Variants in CHD1L observed in about 807,000 individuals in gnomAD.
CHD1L encodes the protein chromodomain helicase DNA binding protein 1 like.
A neutral mutation model predicts 115.9 loss-of-function variants in CHD1L; 118 were observed. The ratio of observed to expected loss-of-function variants is 1.02; its 90% CI spans 0.88 to 1.19. The LOEUF is 1.19. CHD1L is among the 50% of genes most tolerant of loss of function. The pLI is 0.00. For synonymous variants in CHD1L, 411 were observed against 387.1 expected, an observed-to-expected ratio of 1.06 and a Z score of -0.72; for missense variants, 1,179 against 1,065.3, an observed-to-expected ratio of 1.11 and a Z score of -1.49.
At chr1:147,197,130 A>G in the CHD1L span, among the ~76,000 whole-genome samples, 2 of 152,158 alleles carry the variant, frequency 1.3e-5, no homozygotes, top group Non-Finnish European at 2.9e-5. Context: ...CTTCATTCCT[A>G]TAACACTTTA....
Position 147,264,410 on chromosome 1 carries a change from T to C in CHD1L, c.577-12T>C, listed in dbSNP as rs1553946435. Reference sequence around the variant, plus strand: ...TTATGGAATTTTTATTTTATTTATTTATGTATTTGAGTTCTCAGTAGTCTT... The same window carrying C: ...TTATGGAATTTTTATTTTATTTATTCATGTATTTGAGTTCTCAGTAGTCTT... On this transcript the variant is annotated splice_polypyrimidine_tract_variant and intron_variant, in intron 6 of 22. Transcript: ENST00000369258. 2 of 1,567,540 alleles carry C rather than the reference T, an allele frequency of 1.3e-6. No individual in the cohort carries two copies. The highest frequency in any genetic ancestry group is 3.7e-5 in the Admixed American group (2 of 53,886).
chr1:147,178,592 T>G, the CHD1L span: 1 of 1,604,956 alleles, frequency 6.2e-7, no homozygotes. Context: ...GTAGGTTTTT[T>G]CGATGATTCA....
At chr1:147,268,116 A>T (rs1265797102) in intron 9 of CHD1L, among the ~76,000 whole-genome samples, 1 of 152,108 alleles carries the variant, frequency 6.6e-6, no homozygotes. Context: ...TCTCTTCTCC[A>T]TCTGCTCCTT....
the CHD1L span, among the ~76,000 whole-genome samples, chr1:147,229,712 G>A: frequency 6.6e-6 from 1 of 152,010 alleles, no homozygotes; most frequent in Non-Finnish European, 1.5e-5. Context: ...TTCTCCTTGA[G>A]GAGGTACTTC....
At chr1:147,189,661 C>A in the CHD1L span, among the ~76,000 whole-genome samples, 13 of 152,142 alleles carry the variant, frequency 8.5e-5, no homozygotes, top group Non-Finnish European at 1.9e-4. Context: ...AAACACTAAG[C>A]AGCTGGCTGT....
chr1:147,261,697 C>T (rs1342492720), intron 6 of CHD1L, among the ~76,000 whole-genome samples: 1 of 151,870 alleles, frequency 6.6e-6, no homozygotes, highest in Non-Finnish European at 1.5e-5. Flanking sequence ...GGCCCCAGAG[C>T]CTTTTCTTGT....
chr1:147,282,261 A>C (rs1681195280), intron 15 of CHD1L, among the ~76,000 whole-genome samples: 1 of 152,196 alleles, frequency 6.6e-6, no homozygotes, highest in Admixed American at 6.5e-5. Context: ...CATTTTCTCC[A>C]GAGACCAATC....
At chr1:147,239,338 C>T (rs1437864245), upstream of CHD1L, among the ~76,000 whole-genome samples, 1 of 152,198 alleles carries the variant, frequency 6.6e-6, no homozygotes, top group Non-Finnish European at 1.5e-5. Context: ...CTCTCTAACT[C>T]GCTCAAGTAC....
the CHD1L span, among the ~76,000 whole-genome samples, chr1:147,228,009 C>CTTT: frequency 0.43 from 64,372 of 148,358 alleles, 15,402 homozygotes; most frequent in Non-Finnish European, 0.55. Context: ...ATGGAGGCCA[C>CTTT]TTTTTTTTTT....
intron 15 of CHD1L, among the ~76,000 whole-genome samples, chr1:147,282,372 G>A (rs1681240367): frequency 6.6e-6 from 1 of 152,140 alleles, no homozygotes; most frequent in Non-Finnish European, 1.5e-5. Flanking sequence ...CTGCTCTTTG[G>A]GGTGCAGATC....
intron 6 of CHD1L, chr1:147,260,715 A>G (rs1273380506): frequency 1.3e-5 from 2 of 152,224 alleles, no homozygotes; most frequent in Non-Finnish European, 2.9e-5. Context: ...GACCAATTAC[A>G]TGCTATTGAA....
chr1:147,234,447 A>G, the CHD1L span, among the ~76,000 whole-genome samples: 10 of 152,206 alleles, frequency 6.6e-5, no homozygotes, highest in Admixed American at 3.3e-4. Flanking sequence ...GAGGAGATAA[A>G]TCACAGCCAT....
chr1:147,295,303 TG>T, intron 22 of CHD1L, 127 bp from the exon 23 acceptor site: 1 of 688,376 alleles, frequency 1.5e-6, no homozygotes, highest in Non-Finnish European at 2.6e-6. Flanking sequence ...AAAGTGTTTA[TG>T]ATATCGTGAG....
At chr1:147,192,317 G>T in the CHD1L span, among the ~76,000 whole-genome samples, 1 of 152,032 alleles carries the variant, frequency 6.6e-6, no homozygotes, top group Non-Finnish European at 1.5e-5. Context: ...CTGTTTGTCT[G>T]TTGTTGGTGT....
chr1:147,249,068 C>T lies in CHD1L; in HGVS notation c.128-3555C>T, dbSNP rs587710852. 5.3e-5 allele frequency among the ~76,000 whole-genome samples: 8 copies of T among 152,186 alleles called. No homozygotes were observed. In the East Asian group the frequency reaches 1.4e-3, roughly 26 times the overall value. ...CCAAGGTTCCATCTTTTATCATTTC[C>T]TTTTTTTCCAAGGGCTTCCTTTAGC... On this transcript the variant is annotated intron_variant, in intron 1 of 22. Coordinates refer to ENST00000369258, the MANE Select transcript of CHD1L (RefSeq NM_004284.6).
the CHD1L span, among the ~76,000 whole-genome samples, chr1:147,205,576 C>A: frequency 1.3e-5 from 2 of 152,138 alleles, no homozygotes; most frequent in Admixed American, 1.3e-4. Flanking sequence ...TTATATAGAC[C>A]AATGGAACAG....
intron 8 of CHD1L, among the ~76,000 whole-genome samples, chr1:147,267,176 A>G (rs1381191039): frequency 1.3e-5 from 2 of 152,382 alleles, no homozygotes; most frequent in East Asian, 3.9e-4. Flanking sequence ...TAGAATTTGC[A>G]AAAGAGTAAC....
Position 147,285,463 on chromosome 1 carries a change from AG to A in CHD1L, c.1996del (p.Glu666LysfsTer75), listed in dbSNP as rs782586217. On this transcript the variant is annotated frameshift_variant, in exon 17 of 23. Transcript: ENST00000369258. LOFTEE classifies it high-confidence loss of function. The stretch of plus-strand genomic sequence containing the variant: ...CTCATAGAGGAGAAGAAGAGGCAAA[AG>A]GAAGAGGCTGAACATAAGAAAAAGT... ...RRLIEEKKRQ[K>X]EEAEHKKKMA... 6.2e-7 allele frequency: 1 copy of A among 1,612,608 alleles called. No individual in the cohort carries two copies. Among genetic ancestry groups the A allele is most frequent in the Non-Finnish European group, 8.5e-7 (1 of 1,179,674 alleles).
intron 1 of CHD1L, among the ~76,000 whole-genome samples, chr1:147,245,909 G>A (rs1208941278): frequency 6.6e-6 from 1 of 151,950 alleles, no homozygotes; most frequent in Non-Finnish European, 1.5e-5. Context: ...TTGCAATGTG[G>A]CACATTATCA....
Sources: gnomAD v4.1 joint callset for allele counts (sites outside exome capture counted in the v4.1 genomes callset) on GRCh38, gnomAD v4.1.1 for gene constraint, MANE v1.5 for transcripts, NCBI Gene and HGNC (gene_info 2026-07-23, HGNC 2026-07-21) for gene names.